The following GALNT2 variants were observed in gnomAD, a reference collection of about 807,000 sequenced individuals.
GALNT2 encodes UDP-GalNAc:polypeptide N-acetylgalactosaminyltransferase 2.
Under a neutral mutation model 81.4 loss-of-function variants are expected in GALNT2, and 31 were observed. The observed-to-expected ratio is 0.38, with a 90% CI of 0.29 to 0.51. GALNT2 has a LOEUF of 0.51. Among genes scored for constraint, GALNT2 ranks in the 20% least tolerant of loss-of-function variants. GALNT2 has a pLI of 0.87. For missense variants in GALNT2, 629 were observed against 765.7 expected, an observed-to-expected ratio of 0.82 and a Z score of 2.11; for synonymous variants, 303 against 287.4, an observed-to-expected ratio of 1.05 and a Z score of -0.55.
chr1:230,249,134 G>A (rs1230276059), intron 8 of GALNT2, 50 bp from the exon 9 acceptor site: 1 of 1,506,172 alleles, frequency 6.6e-7, no homozygotes, highest in Non-Finnish European at 9.2e-7. Flanking sequence ...GGTGTCGGGA[G>A]GAAGTGGCCA....
chr1:230,261,979 C>T (rs1395283677), intron 11 of GALNT2: 2 of 152,016 alleles, frequency 1.3e-5, no homozygotes, highest in African/African-American at 2.4e-5. Flanking sequence ...CCACTGCACT[C>T]CAGCTTGGCA....
At chr1:230,265,517 T>G in intron 14 of GALNT2, 150 bp downstream of exon 14, 2 of 1,063,414 alleles carry the variant, frequency 1.9e-6, no homozygotes, top group Non-Finnish European at 2.8e-6. Context: ...CACAGCCTCT[T>G]TGGCAGCCAG....
rs12086536 is a variant in GALNT2, at chr1:230,119,729, C to G, written c.126+52323C>G. Among the ~76,000 whole-genome samples, 1,066 of 152,200 alleles carry G rather than the reference C, an allele frequency of 7.0e-3. 16 individuals carry two copies. The highest frequency in any genetic ancestry group is 0.024 in the African/African-American group (999 of 41,516). On this transcript the variant is annotated intron_variant, in intron 1 of 15. Coordinates refer to ENST00000366672, the MANE Select transcript of GALNT2 (RefSeq NM_004481.5). ...GTTTCTTCCTTTTATTTATCAGTTT[C>G]TAGTCAGTGGTAACCAGATAGGGCT...
upstream of GALNT2, chr1:230,057,943 G>A: frequency 2.3e-6 from 1 of 443,230 alleles, no homozygotes; most frequent in Non-Finnish European, 4.6e-6. Flanking sequence ...GGAGGATTCC[G>A]CTGGCTCCTT....
intron 1 of GALNT2, among the ~76,000 whole-genome samples, chr1:230,061,526 T>C (rs1346416603): frequency 6.6e-6 from 1 of 152,252 alleles, no homozygotes; most frequent in Non-Finnish European, 1.5e-5. Flanking sequence ...AAGCTTTATA[T>C]TATTCATTTA....
chr1:230,099,521 C>T (rs1304142090), intron 1 of GALNT2, among the ~76,000 whole-genome samples: 2 of 152,194 alleles, frequency 1.3e-5, no homozygotes, highest in East Asian at 1.9e-4. Flanking sequence ...GCAAAGCTCT[C>T]CACCTGTCCC....
chr1:230,270,537 G>T (rs1666138318), intron 14 of GALNT2, among the ~76,000 whole-genome samples: 1 of 152,200 alleles, frequency 6.6e-6, no homozygotes, highest in African/African-American at 2.4e-5. Context: ...AATGCAAATG[G>T]CCCTGGGTGC....
At chr1:230,234,241 A>G (rs1276549363) in intron 3 of GALNT2, among the ~76,000 whole-genome samples, 1 of 152,032 alleles carries the variant, frequency 6.6e-6, no homozygotes, top group Non-Finnish European at 1.5e-5. Context: ...AGAGAACTTG[A>G]GACAAAGTCC....
At chr1:230,135,419 G>A (rs375874499) in intron 1 of GALNT2, among the ~76,000 whole-genome samples, 1 of 152,154 alleles carries the variant, frequency 6.6e-6, no homozygotes, top group East Asian at 1.9e-4. Flanking sequence ...TCTCATTTCC[G>A]TTGTGCTAAC....
chr1:230,267,249 A>G (rs4846850), intron 14 of GALNT2, among the ~76,000 whole-genome samples: 69,727 of 152,062 alleles, frequency 0.46, 16,619 homozygotes, highest in East Asian at 0.74. Flanking sequence ...TTTACTTGGC[A>G]GTACTATTTT....
intron 1 of GALNT2, among the ~76,000 whole-genome samples, chr1:230,161,188 G>A (rs1662420409): frequency 6.6e-6 from 1 of 152,182 alleles, no homozygotes; most frequent in Non-Finnish European, 1.5e-5. Flanking sequence ...TGTGCCTTGT[G>A]GTCAAGTGAT....
intron 1 of GALNT2, among the ~76,000 whole-genome samples, chr1:230,117,845 C>T (rs1204652507): frequency 2.6e-5 from 4 of 152,158 alleles, no homozygotes; most frequent in Non-Finnish European, 5.9e-5. Context: ...GTAGGGTTGC[C>T]ACAGACCTTC....
At chr1:230,160,057 G>A (rs781730141) in intron 1 of GALNT2, among the ~76,000 whole-genome samples, 36 of 152,134 alleles carry the variant, frequency 2.4e-4, no homozygotes, top group Non-Finnish European at 3.8e-4. Flanking sequence ...CTTAGTTTCT[G>A]CTCACTGATC....
intron 3 of GALNT2, among the ~76,000 whole-genome samples, chr1:230,222,605 A>G (rs1664584468): frequency 6.6e-6 from 1 of 152,010 alleles, no homozygotes; most frequent in Non-Finnish European, 1.5e-5. Flanking sequence ...TATCTTTTTA[A>G]ACTTAGGTCA....
chr1:230,118,715 G>A (rs532712119), intron 1 of GALNT2, among the ~76,000 whole-genome samples: 50 of 152,116 alleles, frequency 3.3e-4, no homozygotes, highest in African/African-American at 1.1e-3. Context: ...GCTCCTCCCC[G>A]CACTGTCTCG....
intron 2 of GALNT2, among the ~76,000 whole-genome samples, chr1:230,182,533 A>G (rs1428316724): frequency 6.6e-6 from 1 of 152,058 alleles, no homozygotes; most frequent in Admixed American, 6.5e-5. Flanking sequence ...GTACTTTGGG[A>G]TTTCCCAGCT....
At chr1:230,068,261 G>A (rs963296798) in intron 1 of GALNT2, among the ~76,000 whole-genome samples, 1 of 152,236 alleles carries the variant, frequency 6.6e-6, no homozygotes, top group African/African-American at 2.4e-5. Context: ...CCGCCGCTCC[G>A]GACGGCCGGG....
At chr1:230,062,688 T>A (rs1480591670), upstream of GALNT2, among the ~76,000 whole-genome samples, 3 of 152,196 alleles carry the variant, frequency 2.0e-5, no homozygotes, top group Non-Finnish European at 4.4e-5. Context: ...TGTGTTAGAA[T>A]TTTCTTCTTT....
intron 3 of GALNT2, among the ~76,000 whole-genome samples, chr1:230,235,110 A>G (rs558396781): frequency 1.4e-5 from 2 of 145,916 alleles, no homozygotes; most frequent in Non-Finnish European, 3.0e-5. Flanking sequence ...GCTACTTGGG[A>G]GGCTGAGGTA....
Sources: allele counts gnomAD v4.1 joint callset (sites outside exome capture counted in the v4.1 genomes callset), GRCh38; gene constraint gnomAD v4.1.1; transcripts MANE v1.5; gene names NCBI Gene and HGNC (gene_info 2026-07-23, HGNC 2026-07-21).